Variants in UNC5D observed in about 807,000 individuals in gnomAD.
The protein encoded by UNC5D is netrin receptor UNC5D.
UNC5D carries 39 observed loss-of-function variants against 105.4 expected under a neutral mutation model. That is an observed-to-expected ratio of 0.37 (90% CI 0.29 to 0.48). UNC5D has a LOEUF of 0.48. Ranked by LOEUF, UNC5D falls within the 20% of genes least tolerant of loss-of-function variation. UNC5D has a pLI of 0.98. For synonymous variants in UNC5D, 452 were observed against 450.4 expected (o/e 1.00, Z -0.04); for missense variants, 991 against 1,202.4 (o/e 0.82, Z 2.60).
chr8:35,448,043 T>G (rs1807911740), intron 1 of UNC5D, among the ~76,000 whole-genome samples: 1 of 152,128 alleles, frequency 6.6e-6, no homozygotes, highest in African/African-American at 2.4e-5. Flanking sequence ...CGCCTCCCTT[T>G]TGGTCTGTTG....
rs1337231362 is a variant in UNC5D, at chr8:35,721,292, T to C, written c.1118-918T>C. Among the ~76,000 whole-genome samples the C allele has an allele frequency of 2.0e-5, 3 of 152,054 alleles. No homozygotes were observed. In the East Asian group the frequency reaches 5.8e-4, roughly 29 times the overall value. On this transcript the variant is annotated intron_variant, in intron 8 of 16. Coordinates refer to ENST00000404895, the MANE Select transcript of UNC5D (RefSeq NM_080872.4). ...TCTCAGATAAATCTCGTGTGCTGTA[T>C]TGCAGGAGCCATCATGGATCTGCTA...
intron 1 of UNC5D, among the ~76,000 whole-genome samples, chr8:35,360,596 G>A (rs1801803966): frequency 6.6e-6 from 1 of 152,112 alleles, no homozygotes; most frequent in Admixed American, 6.6e-5. Flanking sequence ...TACTTGGAAG[G>A]AAAATTGTCT....
At chr8:35,306,361 A>G (rs1808419314) in intron 1 of UNC5D, among the ~76,000 whole-genome samples, 1 of 152,106 alleles carries the variant, frequency 6.6e-6, no homozygotes, top group Admixed American at 6.6e-5. Context: ...AGGTTAAAAT[A>G]TAATTTTATA....
At chr8:35,742,117 C>T (rs1563724974) in intron 11 of UNC5D, among the ~76,000 whole-genome samples, 1 of 152,058 alleles carries the variant, frequency 6.6e-6, no homozygotes, top group Non-Finnish European at 1.5e-5. Flanking sequence ...GACATAGCCA[C>T]AGTGTTGGGG....
At chr8:35,320,157 A>G (rs559214177) in intron 1 of UNC5D, among the ~76,000 whole-genome samples, 21 of 152,116 alleles carry the variant, frequency 1.4e-4, no homozygotes, top group African/African-American at 4.6e-4. Flanking sequence ...ATCAATCAGT[A>G]TATGTAAGAT....
intron 1 of UNC5D, among the ~76,000 whole-genome samples, chr8:35,495,175 A>C (rs184086769): frequency 6.6e-6 from 1 of 152,258 alleles, no homozygotes; most frequent in Non-Finnish European, 1.5e-5. Flanking sequence ...AAAGAGAGAG[A>C]CCGAGGACTC....
At chr8:35,377,814 T>G (rs952509823) in intron 1 of UNC5D, among the ~76,000 whole-genome samples, 2 of 152,226 alleles carry the variant, frequency 1.3e-5, no homozygotes, top group Admixed American at 1.3e-4. Context: ...ATGCCTCATG[T>G]GAGTCATTTG....
intron 2 of UNC5D, among the ~76,000 whole-genome samples, chr8:35,553,758 A>G (rs2130713614): frequency 6.6e-6 from 1 of 152,306 alleles, no homozygotes. Flanking sequence ...GGCCTCAGGT[A>G]TTGAAAAATA....
intron 1 of UNC5D, among the ~76,000 whole-genome samples, chr8:35,396,869 T>C (rs1804136603): frequency 6.6e-6 from 1 of 151,874 alleles, no homozygotes; most frequent in Non-Finnish European, 1.5e-5. Flanking sequence ...GTGTATTATG[T>C]GTCTCTTCTG....
intron 10 of UNC5D, among the ~76,000 whole-genome samples, chr8:35,729,980 T>C (rs765436278): frequency 5.9e-5 from 9 of 152,188 alleles, no homozygotes; most frequent in Non-Finnish European, 1.3e-4. Context: ...TAGAAGGAGA[T>C]CAGGAAAGAC....
intron 1 of UNC5D, among the ~76,000 whole-genome samples, chr8:35,425,065 T>A (rs1229069759): frequency 6.6e-6 from 1 of 152,116 alleles, no homozygotes; most frequent in Non-Finnish European, 1.5e-5. Flanking sequence ...GGGATAGCAT[T>A]AGGAGATATA....
intron 1 of UNC5D, among the ~76,000 whole-genome samples, chr8:35,414,936 T>A (rs1405199743): frequency 1.3e-5 from 2 of 152,076 alleles, no homozygotes; most frequent in Non-Finnish European, 2.9e-5. Context: ...TAGTAAGAAA[T>A]ATTTTCCAAT....
intron 7 of UNC5D, among the ~76,000 whole-genome samples, chr8:35,699,973 A>G (rs1827072903): frequency 1.3e-5 from 2 of 152,226 alleles, no homozygotes; most frequent in South Asian, 4.1e-4. Flanking sequence ...GTTTTCCTGC[A>G]TGTTCTATGA....
intron 1 of UNC5D, among the ~76,000 whole-genome samples, chr8:35,272,115 T>G (rs1398401939): frequency 6.6e-6 from 1 of 152,004 alleles, no homozygotes; most frequent in Admixed American, 6.6e-5. Flanking sequence ...TTTGAAACTG[T>G]GGGATTTTCA....
chr8:35,286,990 T>A (rs1806646198), intron 1 of UNC5D, among the ~76,000 whole-genome samples: 1 of 152,162 alleles, frequency 6.6e-6, no homozygotes, highest in Non-Finnish European at 1.5e-5. Flanking sequence ...GCTAGTGGTT[T>A]CACTGATCAC....
chr8:35,402,336 T>C (rs1382233229), intron 1 of UNC5D, among the ~76,000 whole-genome samples: 6 of 152,080 alleles, frequency 3.9e-5, no homozygotes, highest in South Asian at 4.1e-4. Flanking sequence ...ACGTCTTACA[T>C]TGGCAGCAGG....
chr8:35,430,036 G>GT (rs1157109008), intron 1 of UNC5D, among the ~76,000 whole-genome samples: 1 of 152,094 alleles, frequency 6.6e-6, no homozygotes, highest in African/African-American at 2.4e-5. Context: ...AGTCCCCAAG[G>GT]TGATGTCTTT....
intron 1 of UNC5D, among the ~76,000 whole-genome samples, chr8:35,413,552 G>A (rs1805336789): frequency 6.6e-6 from 1 of 151,484 alleles, no homozygotes; most frequent in African/African-American, 2.4e-5. Context: ...GGATGATGAT[G>A]ATGATGATTG....
At chr8:35,631,072 G>A (rs1822008592) in intron 4 of UNC5D, among the ~76,000 whole-genome samples, 3 of 152,204 alleles carry the variant, frequency 2.0e-5, no homozygotes. Context: ...TAGCACTTTG[G>A]GAGGCCAAAT....
Sources: allele counts gnomAD v4.1 joint callset (sites outside exome capture counted in the v4.1 genomes callset), GRCh38; gene constraint gnomAD v4.1.1; transcripts MANE v1.5; gene names NCBI Gene and HGNC (gene_info 2026-07-23, HGNC 2026-07-21).